PRCP: variants seen among roughly 807,000 people sequenced by gnomAD.
PRCP encodes prolylcarboxypeptidase.
Under a neutral mutation model 54.2 loss-of-function variants are expected in PRCP, and 46 were observed. The observed-to-expected ratio is 0.85, with a 90% confidence interval of 0.67 to 1.09. The LOEUF (loss-of-function observed/expected upper bound fraction) is 1.09, where lower values mean the gene tolerates loss of function less well. PRCP is among the 50% of genes least tolerant of loss of function. PRCP has a pLI of 0.00. For missense variants in PRCP, 613 were observed against 596.8 expected, an observed-to-expected ratio of 1.03 and a Z score of -0.28; for synonymous variants, 240 against 212.2, an observed-to-expected ratio of 1.13 and a Z score of -1.14.
intron 8 of PRCP, chr11:82,829,857 A>G (rs1239568049): frequency 1.3e-5 from 2 of 152,242 alleles, no homozygotes; most frequent in Non-Finnish European, 2.9e-5. Context: ...GTTCATAAAC[A>G]TGTTGTAAAT....
chr11:82,848,252 A>T (rs1858855881), intron 6 of PRCP, among the ~76,000 whole-genome samples: 1 of 152,252 alleles, frequency 6.6e-6, no homozygotes, highest in South Asian at 2.1e-4. Flanking sequence ...TTTAAAACTA[A>T]AAGGAAAGCT....
chr11:82,876,853 C>T (rs1462325834), intron 1 of PRCP, among the ~76,000 whole-genome samples: 6 of 152,166 alleles, frequency 3.9e-5, no homozygotes, highest in South Asian at 4.1e-4. Context: ...AAAGGATACC[C>T]GAAAATGTGG....
chr11:82,893,463 T>C (rs575603183), intron 1 of PRCP, among the ~76,000 whole-genome samples: 2 of 152,360 alleles, frequency 1.3e-5, no homozygotes, highest in East Asian at 1.9e-4. Flanking sequence ...ATAAGTAGTA[T>C]AGCTCAGTAT....
At chr11:82,827,718 C>G (rs1343530352) in intron 8 of PRCP, 1 of 151,988 alleles carries the variant, frequency 6.6e-6, no homozygotes, top group African/African-American at 2.4e-5. Flanking sequence ...TCTTCCTTTT[C>G]AAGATTGTTT....
chr11:82,889,404 AG>A (rs1034335684), intron 1 of PRCP, among the ~76,000 whole-genome samples: 2 of 151,616 alleles, frequency 1.3e-5, no homozygotes. Context: ...AAGAAGAAGA[AG>A]GAGAAGGAGG....
chr11:82,838,185 C>T (rs1382759741), intron 8 of PRCP, among the ~76,000 whole-genome samples: 1 of 152,020 alleles, frequency 6.6e-6, no homozygotes, highest in African/African-American at 2.4e-5. Context: ...ATTTTTAAGA[C>T]TTTCATAAAG....
chr11:82,897,486 A>G (rs191673188), intron 1 of PRCP, among the ~76,000 whole-genome samples: 1 of 152,344 alleles, frequency 6.6e-6, no homozygotes, highest in East Asian at 1.9e-4. Context: ...GTGCAGGATG[A>G]AAAAAGACCA....
chr11:82,900,235 C>T lies in PRCP; in HGVS notation c.168G>A (p.Lys56=). The T allele has an allele frequency of 1.9e-6, 3 of 1,614,118 alleles. No individual in the cohort carries two copies. The highest frequency in any genetic ancestry group is 2.5e-6 in the Non-Finnish European group (3 of 1,179,986). The stretch of plus-strand genomic sequence containing the variant: ...CGGCGAAGCCCCCGCTCCCCCTTAC[C>T]TTCTGTTGGAAGTAGAGAACCGAAT... ...KNYSVLYFQQ[K]VDHFGFNTVK... The change falls in exon 1 of 9, where the codon AAG becomes AAA. Residue 56 remains lysine (K), a splice_region_variant and synonymous_variant. Transcript: ENST00000313010.
intron 2 of PRCP, among the ~76,000 whole-genome samples, chr11:82,856,410 T>C (rs12292057): frequency 0.024 from 3,670 of 152,262 alleles, 113 homozygotes; most frequent in Admixed American, 0.083. Flanking sequence ...AGTGACCTAA[T>C]AGAGCAACAG....
chr11:82,845,760 T>G (rs565503607), intron 6 of PRCP: 2 of 152,358 alleles, frequency 1.3e-5, no homozygotes, highest in South Asian at 4.1e-4. Context: ...TACAGCATCC[T>G]TTAAAGTTGC....
chr11:82,864,352 C>T (rs1040193706), intron 1 of PRCP, among the ~76,000 whole-genome samples: 2 of 152,232 alleles, frequency 1.3e-5, no homozygotes, highest in African/African-American at 4.8e-5. Context: ...GTTTTCAACA[C>T]CTAATGGCCA....
rs149624474 is a variant in PRCP, at chr11:82,855,563, G to A, written c.310-2285C>T. 3.6e-4 allele frequency among the ~76,000 whole-genome samples: 55 copies of A among 152,216 alleles called. No individual in the cohort carries two copies. The East Asian group carries it at 0.01, about 28-fold the overall frequency. ...GAACCCGGGAGGCGGAGCTTGCAGC[G>A]AGCCCAGATCACGCCACTGCACTCG... On this transcript the variant is annotated intron_variant, in intron 2 of 8. Transcript: ENST00000313010.
chr11:82,836,196 GAA>G (rs1171193255), intron 8 of PRCP: 6 of 125,292 alleles, frequency 4.8e-5, no homozygotes, highest in Non-Finnish European at 5.1e-5. Flanking sequence ...CCATCTCGAG[GAA>G]AAAAAAAAAA....
intron 8 of PRCP, chr11:82,829,520 C>A (rs1451904437): frequency 6.6e-6 from 1 of 152,204 alleles, no homozygotes; most frequent in African/African-American, 2.4e-5. Flanking sequence ...TCCCTGGTCA[C>A]TCTAATAAAA....
intron 8 of PRCP, chr11:82,829,783 G>A (rs1333261937): frequency 6.6e-6 from 1 of 152,204 alleles, no homozygotes; most frequent in Non-Finnish European, 1.5e-5. Context: ...CTTAAAAAGT[G>A]TCTAGTTGTC....
At position 82,881,466 on chromosome 11, in the gene PRCP, G is replaced by A. The variant is rs539469125; in HGVS notation, c.168+18769C>T. ...GGCACCTGGGGGTAGGACAGCCCCC[G>A]CTGGGCTGAGTCAGCGGGGAAGGTT... On this transcript the variant is annotated intron_variant, in intron 1 of 8. Coordinates refer to ENST00000313010, the MANE Select transcript of PRCP (RefSeq NM_005040.4). Among the ~76,000 whole-genome samples the A allele has an allele frequency of 9.9e-5, 15 of 152,214 alleles. 1 individual carries two copies. Among genetic ancestry groups the A allele is most frequent in the East Asian group, 5.8e-4 (3 of 5,162 alleles).
chr11:82,848,131 T>A (rs989678909), intron 6 of PRCP, among the ~76,000 whole-genome samples: 17 of 152,242 alleles, frequency 1.1e-4, no homozygotes, highest in African/African-American at 3.4e-4. Flanking sequence ...TAAAAGTGCA[T>A]TTGAAACCCG....
chr11:82,832,516 C>G (rs1430032944), intron 8 of PRCP, among the ~76,000 whole-genome samples: 1 of 152,136 alleles, frequency 6.6e-6, no homozygotes, highest in Non-Finnish European at 1.5e-5. Context: ...TGAGAAGTGT[C>G]TGTTCATATC....
chr11:82,899,644 C>T (rs928278638), intron 1 of PRCP, among the ~76,000 whole-genome samples: 1 of 151,868 alleles, frequency 6.6e-6, no homozygotes, highest in Non-Finnish European at 1.5e-5. Context: ...CTAATCCCCA[C>T]CCCCACCACA....
Sources: allele counts gnomAD v4.1 joint callset (sites outside exome capture counted in the v4.1 genomes callset), GRCh38; gene constraint gnomAD v4.1.1; transcripts MANE v1.5; gene names NCBI Gene and HGNC (gene_info 2026-07-23, HGNC 2026-07-21).